Variants in METTL15 observed in about 807,000 individuals in gnomAD.
The protein encoded by METTL15 is 12S rRNA N(4)-cytidine methyltransferase METTL15.
In METTL15, 34 loss-of-function variants were observed where a neutral mutation model predicts 38.3. That is an observed-to-expected ratio of 0.89 (90% CI 0.68 to 1.18). METTL15 has a LOEUF of 1.18. Ranked by LOEUF, METTL15 falls within the 50% of genes most tolerant of loss-of-function variation. METTL15 has a pLI of 0.00. For missense variants in METTL15, 438 were observed against 498.4 expected, an observed-to-expected ratio of 0.88 and a Z score of 1.15; for synonymous variants, 162 against 170.9, an observed-to-expected ratio of 0.95 and a Z score of 0.41.
intron 4 of METTL15, among the ~76,000 whole-genome samples, chr11:28,266,103 T>C (rs1294631227): frequency 6.6e-6 from 1 of 152,152 alleles, no homozygotes; most frequent in East Asian, 1.9e-4. Flanking sequence ...ACTTTTACAC[T>C]GTTGGTGGGA....
At chr11:28,282,663 G>T (rs1419506837) in intron 4 of METTL15, among the ~76,000 whole-genome samples, 1 of 152,132 alleles carries the variant, frequency 6.6e-6, no homozygotes, top group African/African-American at 2.4e-5. Flanking sequence ...GGTGCACTGG[G>T]ATTGCCCTAC....
At chr11:28,202,297 A>G (rs2133821773) in intron 3 of METTL15, among the ~76,000 whole-genome samples, 1 of 152,120 alleles carries the variant, frequency 6.6e-6, no homozygotes, top group South Asian at 2.1e-4. Flanking sequence ...GAGTGAGAAG[A>G]TAGGATGAAC....
chr11:28,394,834 G>A (rs892721716), intron 5 of METTL15, among the ~76,000 whole-genome samples: 7 of 151,990 alleles, frequency 4.6e-5, no homozygotes, highest in African/African-American at 1.7e-4. Flanking sequence ...CTATGAAACA[G>A]TCATGTGTTA....
chr11:28,358,252 C>G (rs1324989928), intron 4 of METTL15, among the ~76,000 whole-genome samples: 1 of 152,112 alleles, frequency 6.6e-6, no homozygotes, highest in Non-Finnish European at 1.5e-5. Flanking sequence ...GAACCACAGC[C>G]CTGGCTGACA....
At chr11:28,124,150 C>T (rs1852368405) in intron 3 of METTL15, among the ~76,000 whole-genome samples, 1 of 152,050 alleles carries the variant, frequency 6.6e-6, no homozygotes, top group African/African-American at 2.4e-5. Context: ...ATTTTTTGGA[C>T]TTGAATGCTT....
chr11:28,263,374 AGT>A (rs1432460405), intron 4 of METTL15, among the ~76,000 whole-genome samples: 1 of 152,124 alleles, frequency 6.6e-6, no homozygotes, highest in African/African-American at 2.4e-5. Context: ...ACATTGATGA[AGT>A]GTAATTTAGT....
chr11:28,115,767 G>A (rs1186448707), intron 3 of METTL15, among the ~76,000 whole-genome samples: 3 of 151,948 alleles, frequency 2.0e-5, no homozygotes, highest in Non-Finnish European at 2.9e-5. Context: ...CTGTTGCAAG[G>A]GTGGCAGAGG....
intron 6 of METTL15, among the ~76,000 whole-genome samples, chr11:28,439,356 C>T (rs1355454324): frequency 6.6e-6 from 1 of 152,276 alleles, no homozygotes; most frequent in East Asian, 1.9e-4. Context: ...AATAAACGCT[C>T]GCTATGCTGA....
At chr11:28,323,363 A>C (rs1242957411) in intron 6 of METTL15, among the ~76,000 whole-genome samples, 1 of 152,216 alleles carries the variant, frequency 6.6e-6, no homozygotes, top group Non-Finnish European at 1.5e-5. Context: ...ATGGTAAACA[A>C]ATAAATATTT....
At chr11:28,492,085 A>C (rs1435074692) in intron 6 of METTL15, among the ~76,000 whole-genome samples, 1 of 152,154 alleles carries the variant, frequency 6.6e-6, no homozygotes, top group Admixed American at 6.5e-5. Flanking sequence ...GGCAACAAAT[A>C]TGTCTGAGCA....
At chr11:28,120,499 C>T (rs1590752110) in intron 3 of METTL15, among the ~76,000 whole-genome samples, 1 of 151,654 alleles carries the variant, frequency 6.6e-6, no homozygotes, top group South Asian at 2.1e-4. Flanking sequence ...TAACACCTGG[C>T]TCTCTGGGGG....
chr11:28,213,538 A>G (rs924305828), intron 4 of METTL15, among the ~76,000 whole-genome samples: 1 of 151,654 alleles, frequency 6.6e-6, no homozygotes, highest in African/African-American at 2.4e-5. Flanking sequence ...AATAGTTACA[A>G]AATTTGAATG....
intron 4 of METTL15, among the ~76,000 whole-genome samples, chr11:28,281,951 A>G (rs1411394330): frequency 6.6e-6 from 1 of 152,240 alleles, no homozygotes; most frequent in Non-Finnish European, 1.5e-5. Flanking sequence ...TGAGAGAAAT[A>G]TAATTGTGTT....
At chr11:28,294,963 A>G (rs949718011) in intron 5 of METTL15, among the ~76,000 whole-genome samples, 33 of 152,156 alleles carry the variant, frequency 2.2e-4, no homozygotes, top group Admixed American at 1.2e-3. Context: ...TCATAATATT[A>G]TCTTGGTAAA....
intron 3 of METTL15, among the ~76,000 whole-genome samples, chr11:28,345,991 A>G (rs1590340471): frequency 6.6e-6 from 1 of 152,322 alleles, no homozygotes; most frequent in South Asian, 2.1e-4. Context: ...TCACACAAAA[A>G]ATATAAAAAT....
At chr11:28,221,777 G>T (rs1415373995) in intron 4 of METTL15, among the ~76,000 whole-genome samples, 3 of 152,146 alleles carry the variant, frequency 2.0e-5, no homozygotes, top group African/African-American at 2.4e-5. Flanking sequence ...TAACAGTCAG[G>T]ACCCTCAGCT....
chr11:28,132,730 A>G (rs925159769), intron 3 of METTL15, among the ~76,000 whole-genome samples: 1 of 152,138 alleles, frequency 6.6e-6, no homozygotes, highest in Non-Finnish European at 1.5e-5. Flanking sequence ...ATCATCTTTG[A>G]TATATGATAC....
intron 5 of METTL15, among the ~76,000 whole-genome samples, chr11:28,376,490 C>T (rs958663546): frequency 2.4e-4 from 36 of 152,008 alleles, no homozygotes; most frequent in African/African-American, 8.5e-4. Flanking sequence ...ATTGCAACCC[C>T]TGCCTTTTTT....
chr11:28,498,991 A>G (rs1851559025), intron 6 of METTL15, among the ~76,000 whole-genome samples: 1 of 152,216 alleles, frequency 6.6e-6, no homozygotes, highest in Non-Finnish European at 1.5e-5. Context: ...TTTTATTAAT[A>G]CATCTTAACT....
Sources: gnomAD v4.1 joint callset for allele counts (sites outside exome capture counted in the v4.1 genomes callset) on GRCh38, gnomAD v4.1.1 for gene constraint, MANE v1.5 for transcripts, NCBI Gene and HGNC (gene_info 2026-07-23, HGNC 2026-07-21) for gene names.